RYR1: variants seen among roughly 807,000 people sequenced by gnomAD.
RYR1 encodes central core disease of muscle.
A neutral mutation model predicts 583.5 loss-of-function variants in RYR1; 342 were observed. The ratio of observed to expected loss-of-function variants is 0.59; its 90% CI spans 0.54 to 0.64. The LOEUF (loss-of-function observed/expected upper bound fraction) is 0.64, where lower values mean the gene tolerates loss of function less well. Ranked by LOEUF, RYR1 falls within the 30% of genes least tolerant of loss-of-function variation. The probability of loss-of-function intolerance (pLI) is 0.00; values close to 1 mark genes in which losing one functional copy is unlikely to be tolerated. For synonymous variants in RYR1, 2,791 were observed against 2,822.5 expected, an observed-to-expected ratio of 0.99 and a Z score of 0.35; for missense variants, 6,032 against 6,917.2, an observed-to-expected ratio of 0.87 and a Z score of 4.54.
chr19:38,541,089 T>G (rs1009907887), intron 84 of RYR1, among the ~76,000 whole-genome samples: 9 of 152,256 alleles, frequency 5.9e-5, no homozygotes, highest in South Asian at 2.1e-4. Context: ...TGAATCAGTT[T>G]CACGCAGAGG....
intron 92 of RYR1, among the ~76,000 whole-genome samples, 156 bp from the exon 93 acceptor site, chr19:38,567,616 TA>T (rs1242429442): frequency 6.6e-6 from 1 of 152,178 alleles, no homozygotes; most frequent in Non-Finnish European, 1.5e-5. Context: ...TGGAGCCCCA[TA>T]AGGGCAAGTC....
intron 73 of RYR1, 36 bp from the exon 74 acceptor site, chr19:38,528,270 T>C (rs769614873): frequency 1.3e-6 from 2 of 1,529,548 alleles, no homozygotes; most frequent in Non-Finnish European, 8.9e-7. Flanking sequence ...AGGGGCAGGG[T>C]CTGGGGATGT....
At chr19:38,575,669 G>A (rs917454176) in intron 96 of RYR1, among the ~76,000 whole-genome samples, 2 of 152,156 alleles carry the variant, frequency 1.3e-5, no homozygotes, top group Non-Finnish European at 2.9e-5. Flanking sequence ...CGGGCGTGGT[G>A]GTGGGCGCCT....
chr19:38,547,718 CTTT>C (rs34547615), intron 88 of RYR1, among the ~76,000 whole-genome samples: 3 of 142,096 alleles, frequency 2.1e-5, no homozygotes, highest in African/African-American at 2.6e-5. Flanking sequence ...TCATCATTAT[CTTT>C]TTTTTTTTTT....
At chr19:38,489,140 G>T (rs1568488129) in intron 34 of RYR1, 37 bp from the exon 35 acceptor site, 2 of 1,592,366 alleles carry the variant, frequency 1.3e-6, no homozygotes, top group East Asian at 2.2e-5. Flanking sequence ...TGGAGGCCTT[G>T]CAGGCCACAG....
chr19:38,550,354 C>G (rs1449051615), intron 89 of RYR1, among the ~76,000 whole-genome samples: 2 of 152,092 alleles, frequency 1.3e-5, no homozygotes, highest in African/African-American at 4.8e-5. Context: ...CGCAGGCAAA[C>G]TGTTTTGTAA....
At chr19:38,463,144 C>A (rs1318626806) in intron 20 of RYR1, among the ~76,000 whole-genome samples, 3 of 57,174 alleles carry the variant, frequency 5.2e-5, no homozygotes, top group Admixed American at 1.2e-4. Flanking sequence ...GCGATCTGCC[C>A]CCCCCCCCCC....
intron 20 of RYR1, among the ~76,000 whole-genome samples, chr19:38,462,286 G>C (rs1015167285): frequency 6.6e-6 from 1 of 152,156 alleles, no homozygotes; most frequent in Admixed American, 6.5e-5. Flanking sequence ...AAGATGAATG[G>C]ATATAGGCAA....
rs776371054 is a variant in RYR1, at chr19:38,451,744, C to T, written c.1123-20C>T. 6.2e-7 allele frequency: 1 copy of T among 1,613,906 alleles called. No homozygotes were observed. The highest frequency in any genetic ancestry group is 8.5e-7 in the Non-Finnish European group (1 of 1,179,980). Reference sequence around the variant, plus strand: ...CTGGGTGGCTGGGCCCACTCCAGACCTCTGTCTCCCCACTCCTAGGCCATG... The same window carrying T: ...CTGGGTGGCTGGGCCCACTCCAGACTTCTGTCTCCCCACTCCTAGGCCATG... On this transcript the variant is annotated intron_variant, in intron 11 of 105. Coordinates refer to ENST00000359596, the MANE Select transcript of RYR1 (RefSeq NM_000540.3).
rs563570297 is a variant in RYR1 at position 38,502,857 on chromosome 19, A to G, written c.7836-23A>G. On this transcript the variant is annotated intron_variant, in intron 48 of 105. Coordinates refer to ENST00000359596, the MANE Select transcript of RYR1 (RefSeq NM_000540.3). Reference sequence around the variant, plus strand: ...AGAGCGGGCCTGGACGGGGGATTCTACATCTTGTGCATTGTCCCGCAGGTA... The same window carrying G: ...AGAGCGGGCCTGGACGGGGGATTCTGCATCTTGTGCATTGTCCCGCAGGTA... 30 of 1,604,650 alleles carry G rather than the reference A, an allele frequency of 1.9e-5. No individual in the cohort carries two copies. In the South Asian group the frequency reaches 2.9e-4, roughly 15 times the overall value.
chr19:38,458,285 C>T lies in RYR1; in HGVS notation c.2160C>T (p.Leu720=). The change falls in exon 18 of 106, where the codon CTC becomes CTT. Residue 720 remains leucine (L), a synonymous_variant. Coordinates refer to ENST00000359596, the MANE Select transcript of RYR1 (RefSeq NM_000540.3). The part of the protein sequence containing the change: ...LYSYGFDGLH[L]WTGHVARPVT... ...CCTACGGCTTTGATGGACTGCATCTCTGGACAGGTACCTGACCCCTTCCAG... is the reference window on the plus strand; with the variant it reads ...CCTACGGCTTTGATGGACTGCATCTTTGGACAGGTACCTGACCCCTTCCAG... The T allele has an allele frequency of 6.2e-7, 1 of 1,613,870 alleles. No homozygotes were observed. Among genetic ancestry groups the T allele is most frequent in the Non-Finnish European group, 8.5e-7 (1 of 1,179,980 alleles).
At chr19:38,579,590 C>CAA (rs1236481962) in intron 99 of RYR1, among the ~76,000 whole-genome samples, 651 of 62,192 alleles carry the variant, frequency 0.01, 6 homozygotes, top group African/African-American at 0.037. Flanking sequence ...AACTCCATCT[C>CAA]AAAAAAAAAA....
rs1003694925 is a variant in RYR1 at position 38,504,354 on chromosome 19, C to T, written c.8061C>T (p.Ala2687=). 3.1e-6 allele frequency: 5 copies of T among 1,614,048 alleles called. No individual in the cohort carries two copies. In the Admixed American group the frequency reaches 6.7e-5, roughly 22 times the overall value. The change falls in exon 50 of 106, where the codon GCC becomes GCT. Residue 2687 remains alanine (A), a synonymous_variant. Coordinates refer to ENST00000359596, the MANE Select transcript of RYR1 (RefSeq NM_000540.3). ...TCTGGGGCATCTTTGACTCTCTGGC[C>T]CATAAGGTCTGGGCAGCAGGGAGCC... ...KLFWGIFDSL[A]HKKYDPELYR...
At chr19:38,564,477 G>A (rs1037729033) in intron 90 of RYR1, among the ~76,000 whole-genome samples, 1 of 151,980 alleles carries the variant, frequency 6.6e-6, no homozygotes, top group Non-Finnish European at 1.5e-5. Context: ...GTGAGACAGC[G>A]TCACTTCATT....
chr19:38,516,383 C>T (rs574624141), intron 65 of RYR1, among the ~76,000 whole-genome samples, 166 bp downstream of exon 65: 4 of 152,270 alleles, frequency 2.6e-5, no homozygotes, highest in African/African-American at 4.8e-5. Context: ...GTTTATGGTT[C>T]GGGGGCATTT....
chr19:38,491,801 G>A (rs1969562817), intron 37 of RYR1, among the ~76,000 whole-genome samples: 1 of 152,054 alleles, frequency 6.6e-6, no homozygotes, highest in South Asian at 2.1e-4. Flanking sequence ...CAAGTTCACT[G>A]ACTGTTTCTC....
At chr19:38,476,624 C>T (rs907414846) in intron 29 of RYR1, among the ~76,000 whole-genome samples, 2 of 152,072 alleles carry the variant, frequency 1.3e-5, no homozygotes, top group African/African-American at 4.8e-5. Context: ...TGAGCCACCG[C>T]GTTCGGCTGT....
At chr19:38,526,607 G>T (rs1971476242) in intron 71 of RYR1, among the ~76,000 whole-genome samples, 1 of 137,908 alleles carries the variant, frequency 7.3e-6, no homozygotes, top group Non-Finnish European at 1.5e-5. Context: ...CAGTGACTCC[G>T]TTGACCTACG....
Position 38,499,588 on chromosome 19 carries a change from C to T in RYR1, c.7028-47C>T. The T allele has an allele frequency of 3.1e-6, 5 of 1,590,582 alleles. No homozygotes were observed. The highest frequency in any genetic ancestry group is 4.3e-6 in the Non-Finnish European group (5 of 1,175,694). On this transcript the variant is annotated intron_variant, in intron 43 of 105. Transcript: ENST00000359596. This position sits in a 1 kb window ranked among gnomAD's most constrained non-coding sequence, Gnocchi z 7.3. ...GGGTCCTGGGGCTGCATGGGGAGGT[C>T]TCTGATGGTGGCTCATGAGACCCCC...
Sources: allele counts gnomAD v4.1 joint callset (sites outside exome capture counted in the v4.1 genomes callset), GRCh38; gene constraint gnomAD v4.1.1; non-coding constraint Gnocchi (gnomAD v3.1); transcripts MANE v1.5; gene names NCBI Gene and HGNC (gene_info 2026-07-23, HGNC 2026-07-21).